The following CERKL variants were observed in gnomAD, a reference collection of about 807,000 sequenced individuals.
CERKL encodes the protein ceramide kinase-like protein.
A neutral mutation model predicts 63.4 loss-of-function variants in CERKL; 61 were observed. The observed-to-expected ratio is 0.96, with a 90% CI of 0.78 to 1.19. The LOEUF is 1.19. Among genes scored for constraint, CERKL ranks in the 50% most tolerant of loss-of-function variants. The pLI is 0.00. For missense variants in CERKL, 675 were observed against 655.5 expected (o/e 1.03, Z -0.33); for synonymous variants, 250 against 230.5 (o/e 1.08, Z -0.77).
At chr2:181,556,916 A>G (rs1688234786) in intron 5 of CERKL, among the ~76,000 whole-genome samples, 1 of 152,084 alleles carries the variant, frequency 6.6e-6, no homozygotes, top group Non-Finnish European at 1.5e-5. Context: ...TTGTTTCCTG[A>G]CTTTTTAATG....
intron 1 of CERKL, among the ~76,000 whole-genome samples, chr2:181,623,985 T>C (rs371176125): frequency 1.3e-5 from 2 of 152,158 alleles, no homozygotes; most frequent in African/African-American, 4.8e-5. Context: ...TTTTAACACA[T>C]AGCTGGTTCC....
chr2:181,647,749 G>A (rs762446887), intron 1 of CERKL, among the ~76,000 whole-genome samples: 51 of 152,052 alleles, frequency 3.4e-4, no homozygotes, highest in Non-Finnish European at 6.3e-4. Flanking sequence ...TGAGTCTCTA[G>A]TAACAGACCC....
At chr2:181,618,441 G>T (rs1330184043) in intron 1 of CERKL, among the ~76,000 whole-genome samples, 5 of 151,384 alleles carry the variant, frequency 3.3e-5, no homozygotes, top group African/African-American at 1.2e-4. Context: ...TTTTGAGACA[G>T]AGTCTCACTC....
intron 1 of CERKL, among the ~76,000 whole-genome samples, chr2:181,607,246 A>T (rs1685757767): frequency 6.6e-6 from 1 of 152,200 alleles, no homozygotes; most frequent in Non-Finnish European, 1.5e-5. Context: ...CAACCCTGAG[A>T]GTCCCTGGAC....
rs2105894363 is a variant in CERKL at position 181,604,057 on chromosome 2, T to C, written c.261A>G (p.Leu87=). 6.9e-6 allele frequency: 11 copies of C among 1,601,552 alleles called. No homozygotes were observed. The highest frequency in any genetic ancestry group is 2.2e-5 in the East Asian group (1 of 44,636). Residue 87 remains leucine, a synonymous_variant, in exon 2 of 13, where the codon CTA becomes CTG. Transcript: ENST00000410087. The stretch of plus-strand genomic sequence containing the variant: ...TGAGTTCAATAAATTCTTCTTTACA[T>C]AGCAAGTCATACTTAGAATCACCTG... ...RPAGDSKYDL[L]CKEEFIELKD... is the part of the protein sequence containing the mutation.
At chr2:181,650,699 C>T (rs1389924823) in intron 1 of CERKL, among the ~76,000 whole-genome samples, 11 of 151,388 alleles carry the variant, frequency 7.3e-5, no homozygotes, top group African/African-American at 2.2e-4. Context: ...GCAGAGGTTG[C>T]GGTGAGCCGA....
chr2:181,619,461 C>T (rs1206553708), intron 1 of CERKL, among the ~76,000 whole-genome samples: 1 of 152,088 alleles, frequency 6.6e-6, no homozygotes, highest in South Asian at 2.1e-4. Flanking sequence ...TCTCCAGCTT[C>T]TCAGCAATTC....
intron 1 of CERKL, among the ~76,000 whole-genome samples, chr2:181,611,594 A>T (rs1463058033): frequency 6.6e-6 from 1 of 152,070 alleles, no homozygotes; most frequent in Admixed American, 6.5e-5. Context: ...CTGAGGTAGG[A>T]GGATTCCTTT....
At chr2:181,653,214 C>T (rs1281102848) in intron 1 of CERKL, among the ~76,000 whole-genome samples, 1 of 152,168 alleles carries the variant, frequency 6.6e-6, no homozygotes, top group African/African-American at 2.4e-5. Context: ...ATTAGATACA[C>T]CTCACTCCAG....
intron 2 of CERKL, among the ~76,000 whole-genome samples, chr2:181,600,369 T>A (rs533735249): frequency 6.6e-6 from 1 of 152,274 alleles, no homozygotes; most frequent in East Asian, 1.9e-4. Context: ...AATATCAATA[T>A]TAACTTAGAA....
chr2:181,585,208 G>A (rs1006341256), intron 2 of CERKL, among the ~76,000 whole-genome samples: 2 of 151,942 alleles, frequency 1.3e-5, no homozygotes, highest in Admixed American at 6.6e-5. Flanking sequence ...TAGGATTTAA[G>A]CTCCTTGAGG....
At chr2:181,620,258 CTT>C (rs981420206) in intron 1 of CERKL, among the ~76,000 whole-genome samples, 2 of 152,070 alleles carry the variant, frequency 1.3e-5, no homozygotes, top group Non-Finnish European at 2.9e-5. Flanking sequence ...CACTAATACT[CTT>C]TTTTTCCTGA....
intron 1 of CERKL, among the ~76,000 whole-genome samples, chr2:181,638,356 C>T (rs1172332203): frequency 6.6e-6 from 1 of 152,068 alleles, no homozygotes; most frequent in Non-Finnish European, 1.5e-5. Flanking sequence ...TCAAGATGAA[C>T]CTGGAATATC....
chr2:181,538,990 TAACC>T, intron 12 of CERKL, 98 bp downstream of exon 12: 1 of 895,318 alleles, frequency 1.1e-6, no homozygotes, highest in African/African-American at 1.7e-5. Context: ...TTTTAAAAAC[TAACC>T]AACTGCCTGC....
chr2:181,568,687 A>AT (rs1341900398), intron 3 of CERKL, among the ~76,000 whole-genome samples: 55 of 141,540 alleles, frequency 3.9e-4, no homozygotes, highest in African/African-American at 1.1e-3. Context: ...TTTTTTTTTA[A>AT]TTTTTTTTTA....
intron 2 of CERKL, among the ~76,000 whole-genome samples, chr2:181,578,635 G>A (rs1010293000): frequency 2.0e-5 from 3 of 151,860 alleles, no homozygotes; most frequent in South Asian, 2.1e-4. Context: ...AAAAATGCAC[G>A]TATATTCTAC....
intron 2 of CERKL, among the ~76,000 whole-genome samples, chr2:181,580,591 G>A (rs1395013063): frequency 6.6e-6 from 1 of 152,050 alleles, no homozygotes. Flanking sequence ...TCTAGAATAA[G>A]AAAACCTCAA....
intron 1 of CERKL, among the ~76,000 whole-genome samples, chr2:181,637,696 T>G (rs1255692323): frequency 1.3e-5 from 2 of 152,172 alleles, no homozygotes; most frequent in African/African-American, 4.8e-5. Context: ...AGAATATAGT[T>G]TGTTTAGTAG....
chr2:181,609,533 TAAAAAAA>T (rs869037405), intron 1 of CERKL, among the ~76,000 whole-genome samples: 4 of 70,216 alleles, frequency 5.7e-5, no homozygotes, highest in African/African-American at 4.7e-5. Context: ...CTGTCTCTAC[TAAAAAAA>T]AAAAAAAAAA....
Sources: gnomAD v4.1 joint callset for allele counts (sites outside exome capture counted in the v4.1 genomes callset) on GRCh38, gnomAD v4.1.1 for gene constraint, MANE v1.5 for transcripts, NCBI Gene and HGNC (gene_info 2026-07-23, HGNC 2026-07-21) for gene names.